Variants in TJP1 observed in about 807,000 individuals in gnomAD.
TJP1 encodes the protein tight junction protein ZO-1.
In TJP1, 43 loss-of-function variants were observed where a neutral mutation model predicts 194.2. The observed-to-expected ratio is 0.22, with a 90% CI of 0.17 to 0.29. The LOEUF (loss-of-function observed/expected upper bound fraction) is 0.29. TJP1 is among the 10% of genes least tolerant of loss of function. TJP1 has a pLI of 1.00. For missense variants in TJP1, 1,971 were observed against 2,185.7 expected (o/e 0.90, Z 1.96); for synonymous variants, 801 against 779.0 (o/e 1.03, Z -0.47).
intron 8 of TJP1, among the ~76,000 whole-genome samples, chr15:29,748,523 G>GTTGTGA (rs937548056): frequency 1.8e-4 from 27 of 148,944 alleles, no homozygotes; most frequent in Non-Finnish European, 4.4e-5. Flanking sequence ...AAATTGTGAG[G>GTTGTGA]TTGTGATAAT....
chr15:29,809,225 T>C (rs569466718), intron 1 of TJP1, among the ~76,000 whole-genome samples: 2 of 152,206 alleles, frequency 1.3e-5, no homozygotes, highest in African/African-American at 4.8e-5. Context: ...ATTTTGGATA[T>C]GTGTGTTAAA....
chr15:29,767,652 T>C (rs2046407218), intron 4 of TJP1, among the ~76,000 whole-genome samples: 1 of 152,158 alleles, frequency 6.6e-6, no homozygotes, highest in Admixed American at 6.6e-5. Flanking sequence ...TATTGTTGCC[T>C]CTCTGTGGAA....
chr15:29,821,914 C>A (rs2050397860), intron 1 of TJP1, 88 bp downstream of exon 1: 1 of 1,133,080 alleles, frequency 8.8e-7, no homozygotes. Context: ...CAGCCGCCAG[C>A]GAGGGAGGGC....
chr15:29,777,650 G>C (rs2047100325), intron 2 of TJP1, among the ~76,000 whole-genome samples: 1 of 152,014 alleles, frequency 6.6e-6, no homozygotes, highest in Admixed American at 6.6e-5. Context: ...CTACTGATGG[G>C]CACACAAATT....
intron 2 of TJP1, among the ~76,000 whole-genome samples, chr15:29,829,652 A>G (rs564623520): frequency 7.3e-6 from 1 of 137,820 alleles, no homozygotes; most frequent in African/African-American, 2.7e-5. Context: ...AAAAAAAAAA[A>G]GATTTCTTAA....
chr15:29,777,718 T>C (rs1236628779), intron 2 of TJP1, among the ~76,000 whole-genome samples: 4 of 920 alleles, frequency 4.3e-3, no homozygotes, highest in African/African-American at 3.7e-3. Context: ...AAATGTACTA[T>C]TCTTTTGACA....
intron 18 of TJP1, among the ~76,000 whole-genome samples, chr15:29,720,980 GAAGAAA>G (rs2042895372): frequency 6.6e-6 from 1 of 152,144 alleles, no homozygotes; most frequent in Non-Finnish European, 1.5e-5. Flanking sequence ...GGAAGACAAC[GAAGAAA>G]CTCTGACACT....
chr15:29,766,153 C>G, intron 5 of TJP1, 113 bp downstream of exon 5: 4 of 1,402,362 alleles, frequency 2.9e-6, no homozygotes, highest in Middle Eastern at 2.0e-4. Context: ...AGTGATAGAA[C>G]ACAAACACAA....
intron 8 of TJP1, among the ~76,000 whole-genome samples, chr15:29,751,081 T>C (rs750114316): frequency 1.1e-4 from 17 of 152,146 alleles, no homozygotes; most frequent in Non-Finnish European, 2.2e-4. Context: ...TGGAAACAAA[T>C]ATATACACAT....
At position 29,950,159 on chromosome 15, in the gene TJP1, A is replaced by T. The variant is rs376351383; in HGVS notation, c.306+6073T>A. Among the ~76,000 whole-genome samples, 27 of 87,064 alleles carry T rather than the reference A, an allele frequency of 3.1e-4. 2 individuals are homozygous for T. The highest frequency in any genetic ancestry group is 9.6e-4 in the African/African-American group (21 of 21,984). 57.1% of individuals were successfully genotyped at this position (87,064 alleles called of 152,430 possible). A position where few individuals can be genotyped will look rare whatever the true frequency, so the allele number is the denominator to read the frequency against. On this transcript the variant is annotated intron_variant, in intron 2 of 28. Coordinates refer to the TJP1 transcript ENST00000356107. ...CACCACCACAACCACCACCTCCACC[A>T]CCACCACAACCACTACCTCCACCTC...
chr15:29,736,319 G>T (rs1377498035), intron 11 of TJP1, among the ~76,000 whole-genome samples: 3 of 152,146 alleles, frequency 2.0e-5, no homozygotes, highest in Non-Finnish European at 4.4e-5. Context: ...ATAAGACAGT[G>T]GAAGATAGAT....
chr15:29,717,818 G>T (rs2042660288), intron 22 of TJP1, among the ~76,000 whole-genome samples: 1 of 152,152 alleles, frequency 6.6e-6, no homozygotes, highest in African/African-American at 2.4e-5. Flanking sequence ...AAGGTATAAA[G>T]ATTTGTCAGA....
intron 1 of TJP1, among the ~76,000 whole-genome samples, chr15:29,809,454 G>C (rs933966758): frequency 6.6e-6 from 1 of 152,198 alleles, no homozygotes; most frequent in Non-Finnish European, 1.5e-5. Flanking sequence ...GGGAAAGAGA[G>C]AGACAGAAAT....
chr15:29,715,801 C>G (rs138235163), intron 23 of TJP1, among the ~76,000 whole-genome samples: 77 of 152,250 alleles, frequency 5.1e-4, no homozygotes, highest in African/African-American at 1.7e-3. Context: ...CCTTCCTGAC[C>G]AACTGCCCTC....
At chr15:29,815,354 A>G (rs906156399) in intron 1 of TJP1, among the ~76,000 whole-genome samples, 4 of 152,252 alleles carry the variant, frequency 2.6e-5, no homozygotes, top group Admixed American at 2.0e-4. Flanking sequence ...AAAAGTTGTT[A>G]AAGTAAAAAG....
intron 1 of TJP1, among the ~76,000 whole-genome samples, chr15:29,963,476 T>A (rs1183798400): frequency 1.3e-5 from 2 of 152,166 alleles, no homozygotes; most frequent in African/African-American, 4.8e-5. Flanking sequence ...GTGCAGCAAG[T>A]AATAGCTCAA....
At chr15:29,785,995 G>C (rs1412729271) in intron 2 of TJP1, among the ~76,000 whole-genome samples, 1 of 152,148 alleles carries the variant, frequency 6.6e-6, no homozygotes, top group East Asian at 1.9e-4. Context: ...AATATACTTT[G>C]ATTCCATGGG....
chr15:29,933,298 A>G (rs1229698885), intron 2 of TJP1, among the ~76,000 whole-genome samples: 3 of 152,204 alleles, frequency 2.0e-5, no homozygotes, highest in Admixed American at 6.5e-5. Context: ...TAGAGCAATA[A>G]AAGTTAAGAC....
intron 1 of TJP1, among the ~76,000 whole-genome samples, chr15:29,801,683 G>C (rs546654652): frequency 1.3e-5 from 2 of 151,310 alleles, no homozygotes; most frequent in African/African-American, 2.4e-5. Context: ...GGATGGTCTC[G>C]ATCTCCTGAC....
Sources: allele counts gnomAD v4.1 joint callset (sites outside exome capture counted in the v4.1 genomes callset), GRCh38; gene constraint gnomAD v4.1.1; transcripts MANE v1.5; gene names NCBI Gene and HGNC (gene_info 2026-07-23, HGNC 2026-07-21).